Variants in MEI4 observed in about 807,000 individuals in gnomAD.
MEI4 encodes meiosis-specific protein MEI4.
A neutral mutation model predicts 31.4 loss-of-function variants in MEI4; 27 were observed. The observed-to-expected ratio is 0.86, with a 90% CI of 0.63 to 1.19. The LOEUF is 1.19. Ranked by LOEUF, MEI4 falls within the 50% of genes most tolerant of loss-of-function variation. MEI4 has a pLI of 0.00. For missense variants in MEI4, 329 were observed against 398.9 expected, an observed-to-expected ratio of 0.82 and a Z score of 1.49; for synonymous variants, 122 against 145.4, an observed-to-expected ratio of 0.84 and a Z score of 1.16.
chr6:77,884,637 T>C (rs1191231994), intron 4 of MEI4, among the ~76,000 whole-genome samples: 1 of 152,182 alleles, frequency 6.6e-6, no homozygotes, highest in Non-Finnish European at 1.5e-5. Context: ...GTGTTTCTGA[T>C]ACCTTTGTTG....
intron 4 of MEI4, among the ~76,000 whole-genome samples, chr6:77,830,252 G>A (rs1770045935): frequency 6.6e-6 from 1 of 152,066 alleles, no homozygotes. Context: ...AGATGCTGAA[G>A]AGTCTGGGGA....
intron 2 of MEI4, among the ~76,000 whole-genome samples, chr6:77,741,689 C>T (rs1011740866): frequency 3.3e-5 from 5 of 151,342 alleles, no homozygotes; most frequent in Admixed American, 2.0e-4. Context: ...TACATATGTA[C>T]ACATGTGCCA....
intron 3 of MEI4, among the ~76,000 whole-genome samples, chr6:77,817,809 AG>A (rs1196668104): frequency 1.3e-5 from 2 of 152,050 alleles, no homozygotes; most frequent in Non-Finnish European, 2.9e-5. Flanking sequence ...AGTGGCTTTT[AG>A]GGCCCAGGTG....
intron 4 of MEI4, among the ~76,000 whole-genome samples, chr6:77,868,516 T>TATATACAC (rs1554170585): frequency 7.5e-6 from 1 of 133,786 alleles, no homozygotes; most frequent in Non-Finnish European, 1.6e-5. Context: ...TATATATATA[T>TATATACAC]ATATATATAT....
At chr6:77,660,183 T>G (rs1392099073) in intron 1 of MEI4, among the ~76,000 whole-genome samples, 1 of 151,904 alleles carries the variant, frequency 6.6e-6, no homozygotes, top group East Asian at 1.9e-4. Context: ...AAGCCAGCAG[T>G]TGTTCGCTAA....
At chr6:77,839,445 G>GGGCAT (rs573131502) in intron 4 of MEI4, among the ~76,000 whole-genome samples, 336 of 152,210 alleles carry the variant, frequency 2.2e-3, no homozygotes, top group African/African-American at 7.3e-3. Context: ...AGTTGGAGAA[G>GGGCAT]GGCATCCTTA....
At chr6:77,753,703 A>G (rs1056552262) in intron 2 of MEI4, among the ~76,000 whole-genome samples, 1 of 152,196 alleles carries the variant, frequency 6.6e-6, no homozygotes, top group Admixed American at 6.5e-5. Flanking sequence ...CGATTCCTCA[A>G]GGATCTAGAA....
chr6:77,752,571 A>G (rs1456492265), intron 2 of MEI4, among the ~76,000 whole-genome samples: 2 of 152,220 alleles, frequency 1.3e-5, no homozygotes, highest in African/African-American at 4.8e-5. Context: ...GGATCTCTTC[A>G]AGGAGAACTA....
At chr6:77,866,092 A>G (rs1399520620) in intron 4 of MEI4, among the ~76,000 whole-genome samples, 1 of 151,766 alleles carries the variant, frequency 6.6e-6, no homozygotes, top group Non-Finnish European at 1.5e-5. Context: ...AAATAATAAG[A>G]GCTATCTATG....
intron 4 of MEI4, among the ~76,000 whole-genome samples, chr6:77,854,578 A>G (rs1320725829): frequency 6.6e-6 from 1 of 152,094 alleles, no homozygotes; most frequent in Non-Finnish European, 1.5e-5. Flanking sequence ...AATGTGTCCA[A>G]TGTGTAATCT....
intron 3 of MEI4, among the ~76,000 whole-genome samples, chr6:77,778,706 C>T (rs1768520550): frequency 6.9e-6 from 1 of 145,688 alleles, no homozygotes; most frequent in Admixed American, 6.9e-5. Flanking sequence ...GACCCTGTCT[C>T]AAATAAATAA....
In MEI4 at chr6:77,911,860, G is replaced by A. The variant is rs923264049; in HGVS notation, c.901-11229G>A. 3.3e-5 allele frequency among the ~76,000 whole-genome samples: 5 copies of A among 151,664 alleles called. No individual in the cohort carries two copies. The South Asian group carries it at 8.3e-4, about 25-fold the overall frequency. On this transcript the variant is annotated intron_variant, in intron 4 of 4. Coordinates refer to ENST00000684080, the MANE Select transcript of MEI4 (RefSeq NM_001322247.2). ...ACGTGAGTGCATTTATCTTTTTGAT[G>A]TTGTTGCCTGTGTTTTTGAGGTCTT...
At chr6:77,715,106 G>A (rs16889346) in intron 2 of MEI4, among the ~76,000 whole-genome samples, 14,001 of 152,134 alleles carry the variant, frequency 0.092, 934 homozygotes, top group East Asian at 0.31. Context: ...TGAGTTGTGT[G>A]AAATCATTTA....
At chr6:77,844,314 A>C (rs1297607764) in intron 4 of MEI4, among the ~76,000 whole-genome samples, 11 of 152,306 alleles carry the variant, frequency 7.2e-5, no homozygotes, top group Admixed American at 7.2e-4. Flanking sequence ...CCTAAAATGT[A>C]GATTTGGAAT....
chr6:77,701,647 A>G (rs1171944342), intron 2 of MEI4, among the ~76,000 whole-genome samples: 2 of 151,986 alleles, frequency 1.3e-5, no homozygotes, highest in East Asian at 3.9e-4. Context: ...ATATATTATG[A>G]ATATATTCAT....
chr6:77,710,549 G>A (rs537767744), intron 2 of MEI4, among the ~76,000 whole-genome samples: 1 of 143,106 alleles, frequency 7.0e-6, no homozygotes, highest in Non-Finnish European at 1.5e-5. Flanking sequence ...AAAAGAAAAG[G>A]TAAAATAAAG....
intron 2 of MEI4, among the ~76,000 whole-genome samples, chr6:77,694,358 C>T (rs994972149): frequency 2.0e-5 from 3 of 151,854 alleles, no homozygotes; most frequent in African/African-American, 4.8e-5. Context: ...GTGTGCTGCA[C>T]CCATTAACTC....
chr6:77,680,580 A>C (rs1224401558), intron 1 of MEI4, among the ~76,000 whole-genome samples: 2 of 152,192 alleles, frequency 1.3e-5, no homozygotes, highest in African/African-American at 2.4e-5. Flanking sequence ...AATGAGCTTA[A>C]AGGGCCAAAA....
chr6:77,758,110 G>A (rs749470821), intron 2 of MEI4, among the ~76,000 whole-genome samples: 7 of 148,696 alleles, frequency 4.7e-5, no homozygotes, highest in Non-Finnish European at 7.4e-5. Context: ...AGCCAAGATC[G>A]TGCCACTGCA....
Sources: allele counts gnomAD v4.1 joint callset (sites outside exome capture counted in the v4.1 genomes callset), GRCh38; gene constraint gnomAD v4.1.1; transcripts MANE v1.5; gene names NCBI Gene and HGNC (gene_info 2026-07-23, HGNC 2026-07-21).